ALOX15B: variants seen among roughly 807,000 people sequenced by gnomAD.
ALOX15B encodes the protein arachidonate 15-lipoxygenase type B.
Under a neutral mutation model 73.8 loss-of-function variants are expected in ALOX15B, and 74 were observed. The observed-to-expected ratio is 1.00, with a 90% confidence interval of 0.83 to 1.22. The LOEUF (loss-of-function observed/expected upper bound fraction) is 1.22, where lower values mean the gene tolerates loss of function less well. Among genes scored for constraint, ALOX15B ranks in the 50% most tolerant of loss-of-function variants. The probability of loss-of-function intolerance (pLI) is 0.00; values close to 1 mark genes in which losing one functional copy is unlikely to be tolerated. For synonymous variants in ALOX15B, 353 were observed against 357.2 expected, an observed-to-expected ratio of 0.99 and a Z score of 0.13; for missense variants, 896 against 859.9, an observed-to-expected ratio of 1.04 and a Z score of -0.52.
In ALOX15B at chr17:8,045,468, C is replaced by G; in HGVS notation, c.997-15C>G. The G allele has an allele frequency of 6.2e-7, 1 of 1,614,016 alleles. No individual in the cohort carries two copies. Among genetic ancestry groups the G allele is most frequent in the Non-Finnish European group, 8.5e-7 (1 of 1,179,988 alleles). ...ACACTCATGGCTGCCTCTCTCCCCA[C>G]CTGCCTCCCCCCAGCTCAGCCAGAC... On this transcript the variant is annotated splice_polypyrimidine_tract_variant and intron_variant, in intron 7 of 13. Coordinates refer to ENST00000380183, the MANE Select transcript of ALOX15B (RefSeq NM_001141.3).
rs76589243 is a variant in ALOX15B, at chr17:8,039,583, C to A, written c.345C>A (p.Thr115=). The change falls in exon 2 of 14, where the codon ACC becomes ACA. Residue 115 remains threonine (T), a synonymous_variant. Coordinates refer to ENST00000380183, the MANE Select transcript of ALOX15B (RefSeq NM_001141.3). ...PCYQWLEGAG[T]LVLQEGTAKV... ...ACCAGTGGCTGGAGGGGGCGGGGACCCTGGTGCTGCAGGAGGGTACAGGTG... is the reference window on the plus strand; with the variant it reads ...ACCAGTGGCTGGAGGGGGCGGGGACACTGGTGCTGCAGGAGGGTACAGGTG... 6.9e-7 allele frequency: 1 copy of A among 1,454,590 alleles called. No homozygotes were observed. Among genetic ancestry groups the A allele is most frequent in the Non-Finnish European group, 9.1e-7 (1 of 1,099,790 alleles). 90.1% of individuals were successfully genotyped at this position (1,454,590 alleles called of 1,614,324 possible).
At position 8,047,307 on chromosome 17, in the gene ALOX15B, C is replaced by T. The variant is rs1470063651; in HGVS notation, c.1507C>T (p.Gln503Ter). The T allele has an allele frequency of 1.2e-6, 2 of 1,614,062 alleles. No homozygotes were observed. Among genetic ancestry groups the T allele is most frequent in the Middle Eastern group, 1.7e-4 (1 of 6,060 alleles). ...GIYYPSDESV[Q>*]DDRELQAWVR... is the part of the protein sequence containing the mutation. ...CTACTACCCAAGTGATGAGTCTGTC[C>T]AAGATGACAGAGAGCTCCAGGCCTG... Residue 503 changes from glutamine to a stop codon, truncating the protein, a stop_gained, in exon 11 of 14, where the codon CAA (glutamine) becomes TAA (stop). Transcript: ENST00000380183. LOFTEE classifies it high-confidence loss of function.
In ALOX15B at chr17:8,045,403, G is replaced by A. The variant is rs752006881; in HGVS notation, c.996+19G>A. 6.2e-6 allele frequency: 10 copies of A among 1,613,666 alleles called. No individual in the cohort carries two copies. Among genetic ancestry groups the A allele is most frequent in the African/African-American group, 5.3e-5 (4 of 74,892 alleles). On this transcript the variant is annotated intron_variant, in intron 7 of 13. Coordinates refer to ENST00000380183, the MANE Select transcript of ALOX15B (RefSeq NM_001141.3). ...CATCCAGGTATGCAGTCAGGCAGGG[G>A]CAGGGCAGCGTGAAGAAGAGTCAGG... is the stretch of plus-strand genomic sequence containing the variant.
chr17:8,043,661 G>A (rs1320987016), intron 5 of ALOX15B, among the ~76,000 whole-genome samples: 2 of 152,154 alleles, frequency 1.3e-5, no homozygotes, highest in Admixed American at 6.5e-5. Context: ...GTCACCAGAG[G>A]ATGGTGGCCT....
At position 8,042,492 on chromosome 17, in the gene ALOX15B, G is replaced by C. The variant is rs139363547; in HGVS notation, c.572+1G>C. Reference sequence around the variant, plus strand: ...ACTTTTATCTACAGGCTGGCTCTGCGTGAGGATGCCCACCCTTCCCTGCCC... The same window carrying C: ...ACTTTTATCTACAGGCTGGCTCTGCCTGAGGATGCCCACCCTTCCCTGCCC... On this transcript the variant is annotated splice_donor_variant, in intron 4 of 13. Transcript: ENST00000380183. LOFTEE classifies it high-confidence loss of function. 4.3e-6 allele frequency: 7 copies of C among 1,612,984 alleles called. No individual in the cohort carries two copies. Among genetic ancestry groups the C allele is most frequent in the South Asian group, 1.1e-5 (1 of 91,028 alleles).
intron 13 of ALOX15B, 32 bp from the exon 14 acceptor site, chr17:8,048,354 C>A: frequency 6.3e-7 from 1 of 1,590,136 alleles, no homozygotes; most frequent in Non-Finnish European, 8.6e-7. Flanking sequence ...ACCTCAGCAG[C>A]CGCCTCACCC....
chr17:8,048,277 G>GGGCCAGAGCTGGCTAA, intron 13 of ALOX15B, 109 bp from the exon 14 acceptor site: 1 of 1,349,534 alleles, frequency 7.4e-7, no homozygotes, highest in Non-Finnish European at 1.0e-6. Context: ...TTGGGGGCTA[G>GGGCCAGAGCTGGCTAA]GGCCAGAGCT....
At chr17:8,044,688 C>T in intron 5 of ALOX15B, 141 bp from the exon 6 acceptor site, 2 of 695,360 alleles carry the variant, frequency 2.9e-6, no homozygotes, top group Non-Finnish European at 4.8e-6. Flanking sequence ...AGACAAGGGG[C>T]AGGGGAGGTA....
chr17:8,047,836 T>C lies in ALOX15B; in HGVS notation c.1772T>C (p.Ile591Thr), dbSNP rs777010168. Residue 591 changes from isoleucine (I) to threonine (T), a missense_variant, in exon 13 of 14, where the codon ATA becomes ACA. Coordinates refer to ENST00000380183, the MANE Select transcript of ALOX15B (RefSeq NM_001141.3). ...SKGLATCEGFIATLPPVNATC... is the reference protein window; with the variant it reads ...SKGLATCEGFTATLPPVNATC... The stretch of plus-strand genomic sequence containing the variant: ...GGCCTGGCAACATGCGAGGGCTTCA[T>C]AGCCACCCTCCCACCTGTCAATGCC... The C allele has an allele frequency of 5.6e-6, 9 of 1,614,044 alleles. No homozygotes were observed. The highest frequency in any genetic ancestry group is 2.2e-5 in the South Asian group (2 of 91,088).
chr17:8,040,701 T>G (rs1002515079), intron 3 of ALOX15B, among the ~76,000 whole-genome samples: 24 of 151,844 alleles, frequency 1.6e-4, no homozygotes, highest in African/African-American at 5.6e-4. Flanking sequence ...TGCTGGTGTC[T>G]TCCTTGCCCT....
intron 3 of ALOX15B, 115 bp from the exon 4 acceptor site, chr17:8,042,254 T>A (rs1976482058): frequency 5.2e-6 from 7 of 1,350,922 alleles, no homozygotes; most frequent in Non-Finnish European, 7.0e-6. Context: ...AGGGCCCTCT[T>A]GGCTGAAGGG....
intron 10 of ALOX15B, 41 bp from the exon 11 acceptor site, chr17:8,047,217 G>A (rs763004943): frequency 6.2e-7 from 1 of 1,613,342 alleles, no homozygotes; most frequent in Non-Finnish European, 8.5e-7. Flanking sequence ...CTCAGAGCGG[G>A]TCGGGGTTGG....
At chr17:8,040,906 C>T (rs980236431) in intron 3 of ALOX15B, among the ~76,000 whole-genome samples, 26 of 78,902 alleles carry the variant, frequency 3.3e-4, no homozygotes, top group African/African-American at 7.4e-4. Flanking sequence ...GGAGTTGGGG[C>T]CGCTAGTGAG....
intron 3 of ALOX15B, 137 bp from the exon 4 acceptor site, chr17:8,042,232 G>A (rs976540682): frequency 1.8e-5 from 19 of 1,081,888 alleles, no homozygotes; most frequent in East Asian, 1.3e-4. Context: ...GAATGGAAGG[G>A]CAGCTCCCAG....
chr17:8,044,852 G>A lies in ALOX15B; in HGVS notation c.700G>A (p.Glu234Lys). The A allele has an allele frequency of 6.2e-7, 1 of 1,613,652 alleles. No individual in the cohort carries two copies. Among genetic ancestry groups the A allele is most frequent in the African/African-American group, 1.3e-5 (1 of 74,876 alleles). ...AAEHAFEHWQEDAFFASQFLN... is the reference protein window; with the variant it reads ...AAEHAFEHWQKDAFFASQFLN... ...AGAGCACGCATTTGAGCACTGGCAGGAGGACGCCTTCTTCGCCTCCCAGTT... is the reference window on the plus strand; with the variant it reads ...AGAGCACGCATTTGAGCACTGGCAGAAGGACGCCTTCTTCGCCTCCCAGTT... The change falls in exon 6 of 14, where the codon GAG becomes AAG. Residue 234 changes from glutamate to lysine, a missense_variant. Transcript: ENST00000380183.
At chr17:8,042,916 T>C (rs564401189) in intron 5 of ALOX15B, 32 bp downstream of exon 5, 1 of 1,512,468 alleles carries the variant, frequency 6.6e-7, no homozygotes, top group South Asian at 1.2e-5. Flanking sequence ...TCCTGACCTC[T>C]TTCCTGGGGC....
Position 8,048,699 on chromosome 17 carries a change from C to T in ALOX15B, c.*134C>T. 1 of 912,492 alleles carries T rather than the reference C, an allele frequency of 1.1e-6. No homozygotes were observed. Among genetic ancestry groups the T allele is most frequent in the Non-Finnish European group, 1.6e-6 (1 of 621,090 alleles). 56.5% of individuals were successfully genotyped at this position (912,492 alleles called of 1,614,324 possible). A position where few individuals can be genotyped will look rare whatever the true frequency, so the allele number is the denominator to read the frequency against. On this transcript the variant is annotated 3_prime_UTR_variant, in exon 14 of 14. Transcript: ENST00000380183. ...CTCCTGGGACAACCAGACTCTGTAA[C>T]TCACCCCCACCACCATACACACACA...
chr17:8,040,570 G>A, intron 3 of ALOX15B, among the ~76,000 whole-genome samples: 1 of 106,800 alleles, frequency 9.4e-6, no homozygotes. Context: ...AAGGAAGGAA[G>A]GAAAAGGAAG....
rs570231718 is a variant in ALOX15B at position 8,046,694 on chromosome 17, C to T, written c.1227C>T (p.Thr409=). ...FKLLIPHTRY[T]LHINTLAREL... ...TGCTGATCCCGCACACCCGATACAC[C>T]CTGCACATCAACACACTCGCCCGGG... is the stretch of plus-strand genomic sequence containing the variant. Residue 409 remains threonine (T), a synonymous_variant, in exon 9 of 14, where the codon ACC becomes ACT. Coordinates refer to ENST00000380183, the MANE Select transcript of ALOX15B (RefSeq NM_001141.3). 3.1e-6 allele frequency: 5 copies of T among 1,613,974 alleles called. No individual in the cohort carries two copies. In the South Asian group the frequency reaches 4.4e-5, roughly 14 times the overall value.
Sources: gnomAD v4.1 joint callset for allele counts (sites outside exome capture counted in the v4.1 genomes callset) on GRCh38, gnomAD v4.1.1 for gene constraint, MANE v1.5 for transcripts, NCBI Gene and HGNC (gene_info 2026-07-23, HGNC 2026-07-21) for gene names.